The following ENPP3 variants were observed in gnomAD, a reference collection of about 807,000 sequenced individuals.
The protein encoded by ENPP3 is ectonucleotide pyrophosphatase/phosphodiesterase 3, also known as ectonucleotide pyrophosphatase/phosphodiesterase family member 3.
Under a neutral mutation model 117.8 loss-of-function variants are expected in ENPP3, and 104 were observed. The observed-to-expected ratio is 0.88, with a 90% CI of 0.75 to 1.04. The LOEUF (loss-of-function observed/expected upper bound fraction) is 1.04. Among genes scored for constraint, ENPP3 ranks in the 50% least tolerant of loss-of-function variants. ENPP3 has a pLI of 0.00. For synonymous variants in ENPP3, 380 were observed against 349.9 expected, an observed-to-expected ratio of 1.09 and a Z score of -0.96; for missense variants, 1,026 against 1,051.9, an observed-to-expected ratio of 0.98 and a Z score of 0.34.
intron 12 of ENPP3, among the ~76,000 whole-genome samples, chr6:131,684,683 C>CAA (rs150280548): frequency 1.5e-3 from 196 of 130,452 alleles, no homozygotes; most frequent in African/African-American, 4.8e-3. Context: ...GACTCTGTCT[C>CAA]AAAAAAAAAA....
chr6:131,740,465 C>A lies in ENPP3; in HGVS notation c.2457+85C>A, dbSNP rs67914728. On this transcript the variant is annotated intron_variant, in intron 24 of 24. Transcript: ENST00000357639. Reference sequence around the variant, plus strand: ...CTCATAAAAGTGGCTCTGACTAAAACATTTTTTTTAGGTGTTTCATGGGAA... The same window carrying A: ...CTCATAAAAGTGGCTCTGACTAAAAAATTTTTTTTAGGTGTTTCATGGGAA... 16 of 1,075,142 alleles carry A rather than the reference C, an allele frequency of 1.5e-5. No homozygotes were observed. In the African/African-American group the frequency reaches 2.4e-4, roughly 16 times the overall value. The allele number at this position is 1,075,142 out of a possible 1,614,324, so 66.6% of individuals were successfully genotyped here. A position where few individuals can be genotyped will look rare whatever the true frequency, so the allele number is the denominator to read the frequency against.
chr6:131,640,864 T>C (rs1778025752), intron 1 of ENPP3, among the ~76,000 whole-genome samples: 1 of 152,236 alleles, frequency 6.6e-6, no homozygotes, highest in Admixed American at 6.5e-5. Flanking sequence ...AGCAGAGCGA[T>C]AATGAATGAC....
At chr6:131,654,485 C>G (rs761790017) in intron 5 of ENPP3, among the ~76,000 whole-genome samples, 9 of 151,152 alleles carry the variant, frequency 6.0e-5, no homozygotes, top group Non-Finnish European at 1.3e-4. Context: ...TTCTGTTGCC[C>G]AGGTTGGAGT....
chr6:131,737,719 A>G (rs1039234852), intron 22 of ENPP3, among the ~76,000 whole-genome samples: 3 of 152,198 alleles, frequency 2.0e-5, no homozygotes, highest in Non-Finnish European at 1.5e-5. Flanking sequence ...CCCCAGAGTA[A>G]TAATTAATAA....
intron 9 of ENPP3, among the ~76,000 whole-genome samples, 169 bp from the exon 10 acceptor site, chr6:131,676,567 A>T (rs1778873002): frequency 6.6e-6 from 1 of 152,208 alleles, no homozygotes; most frequent in African/African-American, 2.4e-5. Context: ...CCGCAAGTGT[A>T]TCTATAAACA....
chr6:131,639,265 A>ATATTTTTTTT (rs371737976), intron 1 of ENPP3, among the ~76,000 whole-genome samples: 2 of 107,206 alleles, frequency 1.9e-5, no homozygotes, highest in Non-Finnish European at 3.5e-5. Flanking sequence ...ATATATATAT[A>ATATTTTTTTT]TTTTTTTTTT....
intron 1 of ENPP3, among the ~76,000 whole-genome samples, chr6:131,638,189 C>T (rs571025379): frequency 2.6e-5 from 4 of 152,188 alleles, no homozygotes; most frequent in South Asian, 2.1e-4. Flanking sequence ...CAGTCCTCCT[C>T]GTCCTTCATC....
At chr6:131,728,646 T>C (rs1780207557) in intron 20 of ENPP3, among the ~76,000 whole-genome samples, 1 of 152,200 alleles carries the variant, frequency 6.6e-6, no homozygotes, top group Admixed American at 6.5e-5. Context: ...GTAAATCAGC[T>C]CTGTGTTTCA....
chr6:131,653,996 G>A (rs756655078), intron 5 of ENPP3, among the ~76,000 whole-genome samples: 25 of 152,156 alleles, frequency 1.6e-4, no homozygotes, highest in East Asian at 3.9e-4. Context: ...CCACCCCTCT[G>A]CCCTTCACAC....
intron 15 of ENPP3, among the ~76,000 whole-genome samples, chr6:131,717,354 GT>G (rs1562470351): frequency 0.034 from 286 of 8,446 alleles, 3 homozygotes; most frequent in East Asian, 0.059. Flanking sequence ...TGCGGGGGGT[GT>G]GTGTGTGTGT....
chr6:131,647,900 A>G (rs535945697), intron 2 of ENPP3, among the ~76,000 whole-genome samples: 1 of 152,310 alleles, frequency 6.6e-6, no homozygotes, highest in Admixed American at 6.5e-5. Flanking sequence ...GAAATAGCTA[A>G]GATTATCATC....
At chr6:131,649,401 C>T (rs1368607296) in intron 2 of ENPP3, among the ~76,000 whole-genome samples, 1 of 152,174 alleles carries the variant, frequency 6.6e-6, no homozygotes, top group Non-Finnish European at 1.5e-5. Context: ...GCCATCATAA[C>T]CCATCTGCTG....
In ENPP3 at chr6:131,743,771, G is replaced by A. The variant is rs894615761; in HGVS notation, c.2458-3015G>A. The stretch of plus-strand genomic sequence containing the variant: ...AACTGGGAAGTAGAAGTTGCAGTGA[G>A]TGGAGATCAGGCCACTGCACTCCAG... On this transcript the variant is annotated intron_variant, in intron 24 of 24. Coordinates refer to ENST00000357639, the MANE Select transcript of ENPP3 (RefSeq NM_005021.5). 2.6e-5 allele frequency among the ~76,000 whole-genome samples: 4 copies of A among 152,164 alleles called. No homozygotes were observed. The South Asian group carries it at 8.3e-4, about 32-fold the overall frequency.
At chr6:131,678,581 T>C (rs886156697) in intron 11 of ENPP3, among the ~76,000 whole-genome samples, 1 of 152,232 alleles carries the variant, frequency 6.6e-6, no homozygotes, top group African/African-American at 2.4e-5. Flanking sequence ...AGTGGAAAGA[T>C]GCAAAGGCTG....
Position 131,733,631 on chromosome 6 carries a change from G to A in ENPP3, c.1997G>A (p.Arg666Gln), listed in dbSNP as rs1332474133. 5.0e-6 allele frequency: 8 copies of A among 1,613,936 alleles called. No homozygotes were observed. Among genetic ancestry groups the A allele is most frequent in the South Asian group, 2.2e-5 (2 of 91,072 alleles). Residue 666 changes from arginine (R) to glutamine (Q), a missense_variant, in exon 21 of 25, where the codon CGG (arginine) becomes CAG (glutamine). Physicochemically the swap from Arg to Gln is conservative, Grantham distance 43 (BLOSUM62 1). Transcript: ENST00000357639. ...PLPPTVPDCLRADVRVPPSES... is the reference protein window; with the variant it reads ...PLPPTVPDCLQADVRVPPSES... ...CCTCCCACTGTCCCAGACTGTCTGC[G>A]GGCTGATGTCAGGGTTCCTCCTTCT...
intron 19 of ENPP3, among the ~76,000 whole-genome samples, chr6:131,725,765 C>T (rs1028742090): frequency 3.9e-5 from 6 of 152,112 alleles, no homozygotes; most frequent in Admixed American, 3.9e-4. Flanking sequence ...GGCTTCAGAT[C>T]CTTGCTTAGG....
At chr6:131,740,110 A>C in intron 23 of ENPP3, 114 bp from the exon 24 acceptor site, 1 of 757,046 alleles carries the variant, frequency 1.3e-6, no homozygotes, top group South Asian at 3.8e-5. Context: ...CAAACTTAGA[A>C]TTATAAGAAT....
At chr6:131,745,289 G>T (rs1052892839) in intron 24 of ENPP3, among the ~76,000 whole-genome samples, 3 of 150,912 alleles carry the variant, frequency 2.0e-5, no homozygotes, top group Non-Finnish European at 4.4e-5. Flanking sequence ...ATATTAGCTC[G>T]CATTGTGAAT....
At chr6:131,656,557 G>A (rs1413540837) in intron 5 of ENPP3, among the ~76,000 whole-genome samples, 1 of 152,118 alleles carries the variant, frequency 6.6e-6, no homozygotes, top group Non-Finnish European at 1.5e-5. Flanking sequence ...CACGAAGTCA[G>A]GAGATTGAGA....
Sources: gnomAD v4.1 joint callset for allele counts (sites outside exome capture counted in the v4.1 genomes callset) on GRCh38, gnomAD v4.1.1 for gene constraint, MANE v1.5 for transcripts, NCBI Gene and HGNC (gene_info 2026-07-23, HGNC 2026-07-21) for gene names.